Variants in UGT1A7 observed in about 807,000 individuals in gnomAD.
The protein encoded by UGT1A7 is UDP-glucuronosyltransferase 1A7.
UGT1A7 carries 33 observed loss-of-function variants against 45.6 expected under a neutral mutation model. The ratio of observed to expected loss-of-function variants is 0.72; its 90% CI spans 0.55 to 0.97. The LOEUF is 0.97. Among genes scored for constraint, UGT1A7 ranks in the 50% least tolerant of loss-of-function variants. UGT1A7 has a pLI of 0.00. For missense variants in UGT1A7, 684 were observed against 666.2 expected (o/e 1.03, Z -0.29); for synonymous variants, 274 against 250.6 (o/e 1.09, Z -0.88).
intron 1 of UGT1A7, chr2:233,754,294 G>C (rs556479810): frequency 4.3e-4 from 102 of 236,002 alleles, no homozygotes; most frequent in African/African-American, 2.0e-3. Flanking sequence ...TTCTGTCCTA[G>C]CACTAGGAAA....
chr2:233,701,900 C>A lies in UGT1A7; in HGVS notation c.855+19108C>A, dbSNP rs182385495. Reference sequence around the variant, plus strand: ...GCCCACAAGAGAAAGCAGAAAAGATCTAAAATTGACACCCTAACATCACAA... The same window carrying A: ...GCCCACAAGAGAAAGCAGAAAAGATATAAAATTGACACCCTAACATCACAA... On this transcript the variant is annotated intron_variant, in intron 1 of 4. Coordinates refer to ENST00000373426, the MANE Select transcript of UGT1A7 (RefSeq NM_019077.3). Among the ~76,000 whole-genome samples, 549 of 152,132 alleles carry A rather than the reference C, an allele frequency of 3.6e-3. 1 individual carries two copies. Among genetic ancestry groups the A allele is most frequent in the Middle Eastern group, 0.014 (4 of 294 alleles).
chr2:233,739,125 T>C (rs1690989547), intron 1 of UGT1A7: 1 of 152,272 alleles, frequency 6.6e-6, no homozygotes. Flanking sequence ...ACACAGAAGA[T>C]AAGAATTTAG....
intron 1 of UGT1A7, chr2:233,693,404 GA>G: frequency 1.2e-6 from 2 of 1,614,158 alleles, no homozygotes; most frequent in Non-Finnish European, 1.7e-6. Flanking sequence ...GCAGGACAGG[GA>G]CACCCTGAAC....
chr2:233,766,395 C>T (rs1305688036), intron 1 of UGT1A7, among the ~76,000 whole-genome samples: 1 of 152,176 alleles, frequency 6.6e-6, no homozygotes, highest in African/African-American at 2.4e-5. Flanking sequence ...GCTGTCCTTG[C>T]GTCCCTCCGC....
intron 1 of UGT1A7, among the ~76,000 whole-genome samples, chr2:233,685,862 T>C (rs1362783391): frequency 6.6e-6 from 1 of 152,228 alleles, no homozygotes; most frequent in Non-Finnish European, 1.5e-5. Context: ...ATAGACACAA[T>C]ACCTAAGACA....
intron 1 of UGT1A7, chr2:233,692,770 A>T (rs1187412546): frequency 7.8e-7 from 1 of 1,276,410 alleles, no homozygotes; most frequent in African/African-American, 1.5e-5. Context: ...GAAGAGAAAC[A>T]CCCAGAAGCT....
At chr2:233,758,796 A>T (rs1025400084) in intron 1 of UGT1A7, among the ~76,000 whole-genome samples, 2 of 152,214 alleles carry the variant, frequency 1.3e-5, no homozygotes, top group African/African-American at 4.8e-5. Flanking sequence ...GTTATCTTGG[A>T]ATTGTATAGT....
At chr2:233,750,789 A>G (rs555312200) in intron 1 of UGT1A7, 1 of 151,930 alleles carries the variant, frequency 6.6e-6, no homozygotes, top group African/African-American at 2.4e-5. Context: ...TACACAGAAG[A>G]TAAGAATTTA....
At chr2:233,724,187 G>C (rs1459882110) in intron 1 of UGT1A7, among the ~76,000 whole-genome samples, 1 of 123,412 alleles carries the variant, frequency 8.1e-6, no homozygotes, top group East Asian at 2.3e-4. Flanking sequence ...CCTCCCGGAC[G>C]GGGTGGCTGG....
At chr2:233,701,688 A>T (rs1575472004) in intron 1 of UGT1A7, among the ~76,000 whole-genome samples, 1 of 152,212 alleles carries the variant, frequency 6.6e-6, no homozygotes, top group African/African-American at 2.4e-5. Context: ...GAATTAAGAA[A>T]ATCACTCAAA....
At chr2:233,719,439 T>C (rs2076766360) in intron 1 of UGT1A7, 1 of 1,613,970 alleles carries the variant, frequency 6.2e-7, no homozygotes, top group Non-Finnish European at 8.5e-7. Context: ...CCACATGACA[T>C]TCCTGCAAAG....
At chr2:233,698,865 T>A (rs1197364655) in intron 1 of UGT1A7, among the ~76,000 whole-genome samples, 1 of 152,248 alleles carries the variant, frequency 6.6e-6, no homozygotes, top group East Asian at 1.9e-4. Context: ...TTGGTGTGAC[T>A]TTGCGACTTT....
chr2:233,718,197 CT>C (rs1159094218), intron 1 of UGT1A7, among the ~76,000 whole-genome samples: 1 of 152,036 alleles, frequency 6.6e-6, no homozygotes, highest in Non-Finnish European at 1.5e-5. Flanking sequence ...CTCCCCGGAG[CT>C]TTTTTTTATA....
intron 1 of UGT1A7, chr2:233,719,279 C>G (rs371816622): frequency 1.2e-6 from 2 of 1,613,960 alleles, no homozygotes; most frequent in Non-Finnish European, 1.7e-6. Context: ...TAACAGACCC[C>G]GTTAACCTCT....
chr2:233,768,814 C>T (rs1699733347), intron 4 of UGT1A7, among the ~76,000 whole-genome samples: 1 of 152,052 alleles, frequency 6.6e-6, no homozygotes, highest in African/African-American at 2.4e-5. Context: ...GAACTCCTGA[C>T]TTCAGGTGAT....
intron 1 of UGT1A7, among the ~76,000 whole-genome samples, chr2:233,744,247 T>C (rs1227654990): frequency 1.3e-5 from 2 of 151,818 alleles, no homozygotes; most frequent in Non-Finnish European, 2.9e-5. Flanking sequence ...TTTGGCTGCC[T>C]GAAGAACTGT....
Position 233,768,303 on chromosome 2 carries a change from A to C in UGT1A7, c.1159A>C (p.Met387Leu). The change falls in exon 4 of 5, where the codon ATG (methionine) becomes CTG (leucine). Residue 387 changes from methionine (M) to leucine (L), a missense_variant. Met to Leu is a conservative substitution (Grantham distance 15, BLOSUM62 2). Coordinates refer to ENST00000373426, the MANE Select transcript of UGT1A7 (RefSeq NM_019077.3). ...ESICNGVPMV[M>L]MPLFGDQMDN... ...CATATGCAATGGCGTTCCCATGGTG[A>C]TGATGCCCTTGTTTGGTGATCAGAT... 2 of 1,614,200 alleles carry C rather than the reference A, an allele frequency of 1.2e-6. No individual in the cohort carries two copies. Among genetic ancestry groups the C allele is most frequent in the Non-Finnish European group, 1.7e-6 (2 of 1,180,040 alleles).
intron 1 of UGT1A7, among the ~76,000 whole-genome samples, chr2:233,712,775 T>G (rs1217639688): frequency 6.6e-6 from 1 of 151,950 alleles, no homozygotes; most frequent in Admixed American, 6.6e-5. Context: ...TCAGATGAGT[T>G]TTTCAAGATA....
At chr2:233,760,161 T>G (rs768792415) in intron 1 of UGT1A7, 27 of 1,512,160 alleles carry the variant, frequency 1.8e-5, no homozygotes, top group Non-Finnish European at 2.3e-5. Context: ...CCTGCTACCT[T>G]TGTGGACTGA....
Sources: gnomAD v4.1 joint callset for allele counts (sites outside exome capture counted in the v4.1 genomes callset) on GRCh38, gnomAD v4.1.1 for gene constraint, MANE v1.5 for transcripts, NCBI Gene and HGNC (gene_info 2026-07-23, HGNC 2026-07-21) for gene names.